The following DIP2C variants were observed in gnomAD, a reference collection of about 807,000 sequenced individuals.
DIP2C encodes the protein disco-interacting protein 2 homolog C.
A neutral mutation model predicts 192.4 loss-of-function variants in DIP2C; 33 were observed. That is an observed-to-expected ratio of 0.17 (90% CI 0.13 to 0.23). The LOEUF is 0.23. Among genes scored for constraint, DIP2C ranks in the 10% least tolerant of loss-of-function variants. The probability of loss-of-function intolerance (pLI) is 1.00; values close to 1 mark genes in which losing one functional copy is unlikely to be tolerated. For missense variants in DIP2C, 1,537 were observed against 2,110.1 expected (o/e 0.73, Z 5.32); for synonymous variants, 979 against 864.1 (o/e 1.13, Z -2.33).
At chr10:457,036 C>T (rs1259344319) in intron 3 of DIP2C, among the ~76,000 whole-genome samples, 3 of 152,160 alleles carry the variant, frequency 2.0e-5, no homozygotes, top group Non-Finnish European at 2.9e-5. Context: ...TTTTCCATCT[C>T]TCTGCTCACA....
rs1268844858 is a variant in DIP2C, at chr10:382,778, A to G, written c.1877-17T>C. ...AAATAGACCCTAGAGTGAAAGAGGG[A>G]CAATGATCAGACAGCTGAAGCACTG... On this transcript the variant is annotated splice_polypyrimidine_tract_variant and intron_variant, in intron 16 of 36. Transcript: ENST00000280886. 3 of 1,561,184 alleles carry G rather than the reference A, an allele frequency of 1.9e-6. No homozygotes were observed. Among genetic ancestry groups the G allele is most frequent in the Non-Finnish European group, 2.6e-6 (3 of 1,139,070 alleles).
rs1960718180 is a variant in DIP2C, at chr10:369,645, G to A, written c.1992-12C>T. The A allele has an allele frequency of 6.2e-6, 10 of 1,614,152 alleles. No individual in the cohort carries two copies. The highest frequency in any genetic ancestry group is 8.5e-6 in the Non-Finnish European group (10 of 1,180,024). ...TGTCATCCGTGGGCCTGTAATGACA[G>A]TTTTTAACTTGAATATGCAGGAGCA... On this transcript the variant is annotated splice_polypyrimidine_tract_variant and intron_variant, in intron 17 of 36. Coordinates refer to ENST00000280886, the MANE Select transcript of DIP2C (RefSeq NM_014974.3).
At chr10:557,349 G>C (rs1848932763) in intron 1 of DIP2C, among the ~76,000 whole-genome samples, 1 of 152,086 alleles carries the variant, frequency 6.6e-6, no homozygotes, top group Non-Finnish European at 1.5e-5. Flanking sequence ...ACTCAGCAGA[G>C]CTGCCCTAAA....
At chr10:295,476 G>C (rs1220677685) in intron 32 of DIP2C, among the ~76,000 whole-genome samples, 1 of 149,928 alleles carries the variant, frequency 6.7e-6, no homozygotes, top group African/African-American at 2.5e-5. Flanking sequence ...CAGGAGAATG[G>C]CATGAACCCG....
chr10:478,478 G>C (rs554308185), intron 2 of DIP2C, among the ~76,000 whole-genome samples: 1 of 151,096 alleles, frequency 6.6e-6, no homozygotes, highest in East Asian at 2.0e-4. Flanking sequence ...CGGGCATGCC[G>C]GGGGTGCAGA....
At chr10:362,148 A>C (rs929602938) in intron 22 of DIP2C, among the ~76,000 whole-genome samples, 5 of 152,146 alleles carry the variant, frequency 3.3e-5, no homozygotes, top group African/African-American at 1.2e-4. Context: ...GAAATGAAAG[A>C]GCAACCATAC....
chr10:438,638 A>C (rs56850288), intron 4 of DIP2C, among the ~76,000 whole-genome samples: 1 of 151,768 alleles, frequency 6.6e-6, no homozygotes, highest in African/African-American at 2.4e-5. Context: ...CTATGCGCAC[A>C]CACCACCATG....
chr10:303,559 T>C (rs1328435238), intron 32 of DIP2C, among the ~76,000 whole-genome samples: 1 of 152,166 alleles, frequency 6.6e-6, no homozygotes, highest in Non-Finnish European at 1.5e-5. Flanking sequence ...GTTTTGCTCT[T>C]GTTGACCAGA....
intron 17 of DIP2C, among the ~76,000 whole-genome samples, chr10:376,001 T>C (rs1433013073): frequency 6.6e-6 from 1 of 152,232 alleles, no homozygotes; most frequent in Non-Finnish European, 1.5e-5. Context: ...AGCATTTCTA[T>C]GCAACGGACC....
chr10:382,392 G>A (rs928519102), intron 17 of DIP2C, among the ~76,000 whole-genome samples: 3 of 152,158 alleles, frequency 2.0e-5, no homozygotes, highest in South Asian at 2.1e-4. Context: ...GATTCCATGC[G>A]CCTCTAGACA....
intron 36 of DIP2C, 46 bp downstream of exon 36, chr10:281,154 A>G: frequency 6.2e-7 from 1 of 1,603,742 alleles, no homozygotes; most frequent in South Asian, 1.1e-5. Context: ...AATGCTTCAC[A>G]AACTCTGCTC....
chr10:446,590 C>T (rs570046841), intron 3 of DIP2C, among the ~76,000 whole-genome samples: 5 of 152,290 alleles, frequency 3.3e-5, no homozygotes, highest in East Asian at 3.9e-4. Flanking sequence ...ACTTCATTGA[C>T]GAGGGCCCCA....
chr10:378,630 C>CGA (rs1191865809), intron 17 of DIP2C, among the ~76,000 whole-genome samples: 133 of 142,682 alleles, frequency 9.3e-4, no homozygotes, highest in African/African-American at 3.0e-3. Flanking sequence ...GACACACGAA[C>CGA]ACAGACATGC....
At chr10:443,138 A>T (rs762209293) in intron 3 of DIP2C, among the ~76,000 whole-genome samples, 10 of 152,214 alleles carry the variant, frequency 6.6e-5, no homozygotes, top group African/African-American at 2.4e-4. Context: ...CAAAGATGCT[A>T]CTACTCACAT....
At chr10:315,107 CAGTGT>C (rs1235446763) in intron 31 of DIP2C, among the ~76,000 whole-genome samples, 3 of 152,198 alleles carry the variant, frequency 2.0e-5, no homozygotes, top group Non-Finnish European at 4.4e-5. Flanking sequence ...TATCTTCACA[CAGTGT>C]TATGTGCTAT....
chr10:653,037 G>A (rs1053998091), intron 1 of DIP2C, among the ~76,000 whole-genome samples: 10 of 152,028 alleles, frequency 6.6e-5, no homozygotes, highest in East Asian at 3.9e-4. Context: ...CTTCAGACGC[G>A]GCCTCGAGCC....
At chr10:435,425 TCA>T (rs1967100946) in intron 4 of DIP2C, among the ~76,000 whole-genome samples, 1 of 152,220 alleles carries the variant, frequency 6.6e-6, no homozygotes, top group Non-Finnish European at 1.5e-5. Flanking sequence ...ATGGTACAAC[TCA>T]CAAAATCATG....
Position 384,503 on chromosome 10 carries a change from G to A in DIP2C, c.1756+43C>T, listed in dbSNP as rs190903119. 74 of 1,594,646 alleles carry A rather than the reference G, an allele frequency of 4.6e-5. No individual in the cohort carries two copies. In the African/African-American group the frequency reaches 7.9e-4, roughly 17 times the overall value. ...TCCACCTGCTTTGGCCTCCTAAAGCGCTGGGATTACAGGTGTGAGCCACTG... is the reference window on the plus strand; with the variant it reads ...TCCACCTGCTTTGGCCTCCTAAAGCACTGGGATTACAGGTGTGAGCCACTG... On this transcript the variant is annotated intron_variant, in intron 15 of 36. Transcript: ENST00000280886.
At chr10:407,349 G>C (rs1465505123) in intron 9 of DIP2C, among the ~76,000 whole-genome samples, 3 of 152,232 alleles carry the variant, frequency 2.0e-5, no homozygotes, top group Admixed American at 2.0e-4. Context: ...GTGGATTTGG[G>C]GTTGCTTCCA....
Sources: allele counts gnomAD v4.1 joint callset (sites outside exome capture counted in the v4.1 genomes callset), GRCh38; gene constraint gnomAD v4.1.1; transcripts MANE v1.5; gene names NCBI Gene and HGNC (gene_info 2026-07-23, HGNC 2026-07-21).